BACH2: variants seen among roughly 807,000 people sequenced by gnomAD.
BACH2 encodes the protein transcription regulator protein BACH2.
Under a neutral mutation model 61.8 loss-of-function variants are expected in BACH2, and 5 were observed. That is an observed-to-expected ratio of 0.08 (90% CI 0.04 to 0.17). BACH2 has a LOEUF of 0.17. Ranked by LOEUF, BACH2 falls within the 10% of genes least tolerant of loss-of-function variation. The pLI is 1.00. For synonymous variants in BACH2, 446 were observed against 440.1 expected (o/e 1.01, Z -0.17); for missense variants, 824 against 1,091.1 (o/e 0.76, Z 3.45).
At chr6:90,017,984 G>A (rs890907525) in intron 5 of BACH2, among the ~76,000 whole-genome samples, 17 of 152,134 alleles carry the variant, frequency 1.1e-4, no homozygotes, top group African/African-American at 3.1e-4. Flanking sequence ...ATCCTTTCAG[G>A]TTTTGCTTTT....
chr6:90,154,596 C>T (rs1318794923), intron 4 of BACH2, among the ~76,000 whole-genome samples: 2 of 152,140 alleles, frequency 1.3e-5, no homozygotes, highest in African/African-American at 2.4e-5. Context: ...TAGCCCCCTT[C>T]CTCTTTAAGG....
At chr6:90,219,495 T>TTGGTTCC (rs1425602487) in intron 3 of BACH2, among the ~76,000 whole-genome samples, 1 of 152,206 alleles carries the variant, frequency 6.6e-6, no homozygotes, top group Non-Finnish European at 1.5e-5. Flanking sequence ...CCCAGCTCCT[T>TTGGTTCC]TGGTTCCTTC....
chr6:90,040,129 G>C (rs1041243176), intron 5 of BACH2, among the ~76,000 whole-genome samples: 1 of 151,298 alleles, frequency 6.6e-6, no homozygotes, highest in Non-Finnish European at 1.5e-5. Context: ...GTGGTTTCTG[G>C]ATTTTTGTCA....
intron 6 of BACH2, among the ~76,000 whole-genome samples, chr6:89,964,043 C>G (rs550090127): frequency 6.6e-6 from 1 of 151,920 alleles, no homozygotes; most frequent in Non-Finnish European, 1.5e-5. Flanking sequence ...ATATCACACT[C>G]TGGGGACTGT....
intron 4 of BACH2, among the ~76,000 whole-genome samples, chr6:90,155,910 A>C (rs1784980711): frequency 6.6e-6 from 1 of 152,212 alleles, no homozygotes; most frequent in Non-Finnish European, 1.5e-5. Flanking sequence ...AAAAAAAGTC[A>C]TGGATGGGTT....
chr6:90,266,154 C>T (rs1164171185), intron 2 of BACH2, among the ~76,000 whole-genome samples: 5 of 152,136 alleles, frequency 3.3e-5, no homozygotes, highest in Non-Finnish European at 5.9e-5. Flanking sequence ...ATGTTCCTTG[C>T]GGCCACTGCA....
chr6:90,144,889 C>A (rs1438592471), intron 4 of BACH2, among the ~76,000 whole-genome samples: 2 of 152,132 alleles, frequency 1.3e-5, no homozygotes, highest in Non-Finnish European at 2.9e-5. Flanking sequence ...TTCCATTAAC[C>A]AACTTCTCTT....
chr6:90,102,818 T>TAAG (rs1453282848), intron 4 of BACH2, among the ~76,000 whole-genome samples: 1 of 138,036 alleles, frequency 7.2e-6, no homozygotes, highest in African/African-American at 2.6e-5. Context: ...ATAATAATAA[T>TAAG]AATAATAATA....
Position 90,062,171 on chromosome 6 carries a change from G to A in BACH2, c.-13+26790C>T, listed in dbSNP as rs1416853379. On this transcript the variant is annotated intron_variant, in intron 5 of 8. Coordinates refer to ENST00000257749, the MANE Select transcript of BACH2 (RefSeq NM_021813.4). ...CTTTAAGAGGTGACGTGGAACATGT[G>A]TGTGGCGTGAGCCATCATATGACCT... Among the ~76,000 whole-genome samples the A allele has an allele frequency of 2.0e-5, 3 of 152,296 alleles. No individual in the cohort carries two copies. The South Asian group carries it at 6.2e-4, about 32-fold the overall frequency.
At chr6:90,186,649 C>T (rs1768366542) in intron 4 of BACH2, among the ~76,000 whole-genome samples, 1 of 152,162 alleles carries the variant, frequency 6.6e-6, no homozygotes, top group Non-Finnish European at 1.5e-5. Context: ...GGAGAAGTCA[C>T]TTTTTGAGAG....
chr6:90,158,907 A>C (rs1394089681), intron 4 of BACH2, among the ~76,000 whole-genome samples: 2 of 152,194 alleles, frequency 1.3e-5, no homozygotes, highest in Non-Finnish European at 2.9e-5. Context: ...GAAAAATATC[A>C]TCTCTTAATT....
chr6:89,994,432 C>T (rs77233806), intron 6 of BACH2, among the ~76,000 whole-genome samples: 40 of 152,298 alleles, frequency 2.6e-4, no homozygotes, highest in African/African-American at 9.6e-4. Flanking sequence ...AAAAGGTCTT[C>T]TAACTTTAAA....
At chr6:90,178,589 G>C (rs1321116678) in intron 4 of BACH2, among the ~76,000 whole-genome samples, 1 of 152,128 alleles carries the variant, frequency 6.6e-6, no homozygotes, top group East Asian at 1.9e-4. Flanking sequence ...ATGTTCACTT[G>C]GAGGAAGAGA....
chr6:90,196,720 T>A (rs1355751173), intron 4 of BACH2, among the ~76,000 whole-genome samples: 1 of 152,176 alleles, frequency 6.6e-6, no homozygotes, highest in Non-Finnish European at 1.5e-5. Context: ...GCGATGATAC[T>A]TTATCTCTCT....
At chr6:89,962,057 GA>G (rs1390541824) in intron 6 of BACH2, among the ~76,000 whole-genome samples, 2 of 152,104 alleles carry the variant, frequency 1.3e-5, no homozygotes, top group Non-Finnish European at 2.9e-5. Flanking sequence ...AATTTTTAAA[GA>G]TCCACTTTCT....
chr6:90,210,447 C>A (rs925487636), intron 3 of BACH2, among the ~76,000 whole-genome samples: 1 of 151,932 alleles, frequency 6.6e-6, no homozygotes, highest in African/African-American at 2.4e-5. Context: ...GGACAGCAAC[C>A]AAAAAGACTG....
chr6:89,947,135 G>C (rs1773775184), intron 7 of BACH2, among the ~76,000 whole-genome samples: 1 of 152,194 alleles, frequency 6.6e-6, no homozygotes, highest in African/African-American at 2.4e-5. Context: ...TCTGACTCTG[G>C]TGTCTCCGTG....
rs60037899 is a variant in BACH2, at chr6:89,997,005, GCACACACACACA to G, written c.243+11585_243+11596del. ...ATCTGGTTTAAGCACATGCACACGGGCACACACACACACACACACACACACATGCATGCTCCT... is the reference window on the plus strand; with the variant it reads ...ATCTGGTTTAAGCACATGCACACGGGCACACACACACACATGCATGCTCCT... On this transcript the variant is annotated intron_variant, in intron 6 of 8. Coordinates refer to ENST00000257749, the MANE Select transcript of BACH2 (RefSeq NM_021813.4). 6.8e-3 allele frequency among the ~76,000 whole-genome samples: 1,012 copies of G among 149,620 alleles called. 23 individuals are homozygous for G. In the East Asian group the frequency reaches 0.081, roughly 12 times the overall value.
intron 4 of BACH2, among the ~76,000 whole-genome samples, chr6:90,200,607 T>A (rs1034682629): frequency 1.3e-5 from 2 of 152,198 alleles, no homozygotes; most frequent in African/African-American, 2.4e-5. Context: ...GCTAAAATAG[T>A]ACTTATTTTT....
Sources: gnomAD v4.1 joint callset for allele counts (sites outside exome capture counted in the v4.1 genomes callset) on GRCh38, gnomAD v4.1.1 for gene constraint, MANE v1.5 for transcripts, NCBI Gene and HGNC (gene_info 2026-07-23, HGNC 2026-07-21) for gene names.